Variants in MEMO1 observed in about 807,000 individuals in gnomAD.
The protein encoded by MEMO1 is protein MEMO1.
MEMO1 carries 6 observed loss-of-function variants against 45.2 expected under a neutral mutation model. That is an observed-to-expected ratio of 0.13 (90% confidence interval 0.07 to 0.26). MEMO1 has a LOEUF of 0.26. Among genes scored for constraint, MEMO1 ranks in the 10% least tolerant of loss-of-function variants. MEMO1 has a pLI of 1.00. For synonymous variants in MEMO1, 78 were observed against 124.3 expected (o/e 0.63, Z 2.48); for missense variants, 184 against 370.5 (o/e 0.50, Z 4.13).
chr2:31,985,355 C>A (rs1176118100), intron 2 of MEMO1, among the ~76,000 whole-genome samples: 1 of 152,202 alleles, frequency 6.6e-6, no homozygotes, highest in East Asian at 1.9e-4. Flanking sequence ...GAGATGGAGT[C>A]TCGCTCTGTC....
intron 2 of MEMO1, among the ~76,000 whole-genome samples, chr2:31,967,390 C>G (rs1668760960): frequency 6.6e-6 from 1 of 152,188 alleles, no homozygotes; most frequent in South Asian, 2.1e-4. Context: ...TCCCAAAGTG[C>G]TGGGATTACA....
At chr2:31,923,257 C>T (rs1450597579) in intron 4 of MEMO1, among the ~76,000 whole-genome samples, 2 of 152,082 alleles carry the variant, frequency 1.3e-5, no homozygotes, top group Non-Finnish European at 2.9e-5. Flanking sequence ...TTGTTGGCCA[C>T]GTATGTATCT....
chr2:31,875,940 G>T (rs146574110), intron 8 of MEMO1, among the ~76,000 whole-genome samples: 6,634 of 152,012 alleles, frequency 0.044, 255 homozygotes, highest in Admixed American at 0.12. Context: ...GCTCGCCTCG[G>T]CCCCCCAAAC....
chr2:31,896,356 G>A (rs562517025), intron 6 of MEMO1, among the ~76,000 whole-genome samples: 6 of 152,236 alleles, frequency 3.9e-5, no homozygotes, highest in Admixed American at 3.3e-4. Context: ...CTAGAACAGG[G>A]GTTAGCAAAC....
At chr2:32,010,737 C>T (rs1159695127) in intron 1 of MEMO1, among the ~76,000 whole-genome samples, 6 of 150,530 alleles carry the variant, frequency 4.0e-5, no homozygotes, top group African/African-American at 1.2e-4. Flanking sequence ...CCCTCCAGCC[C>T]GGCCGCCCGC....
chr2:31,982,632 C>T (rs558194111), intron 2 of MEMO1, among the ~76,000 whole-genome samples: 5 of 150,936 alleles, frequency 3.3e-5, no homozygotes, highest in African/African-American at 1.2e-4. Flanking sequence ...TCAGGAACTT[C>T]CCAAAGTTAC....
At chr2:31,963,984 C>T (rs1264107507) in intron 2 of MEMO1, among the ~76,000 whole-genome samples, 1 of 152,182 alleles carries the variant, frequency 6.6e-6, no homozygotes, top group Non-Finnish European at 1.5e-5. Context: ...TGTGGATATA[C>T]TGGGTCAAAT....
At chr2:31,934,610 A>T (rs1330706950) in intron 3 of MEMO1, among the ~76,000 whole-genome samples, 1 of 152,220 alleles carries the variant, frequency 6.6e-6, no homozygotes, top group Non-Finnish European at 1.5e-5. Context: ...GTCCAAGTAC[A>T]TAAGGTAGAT....
intron 3 of MEMO1, among the ~76,000 whole-genome samples, chr2:31,932,747 T>C (rs1220702277): frequency 6.6e-6 from 1 of 152,196 alleles, no homozygotes; most frequent in African/African-American, 2.4e-5. Flanking sequence ...TAACTGAGTT[T>C]TTTTATACTC....
rs576014930 is a variant in MEMO1, at chr2:31,984,428, A to G, written c.61+25759T>C. 1.7e-4 allele frequency among the ~76,000 whole-genome samples: 26 copies of G among 152,290 alleles called. No individual in the cohort carries two copies. In the South Asian group the frequency reaches 5.4e-3, roughly 32 times the overall value. On this transcript the variant is annotated intron_variant, in intron 2 of 9. Transcript: ENST00000404530. ...TCTTGGTCATGAAAAACAAAGAAAA[A>G]TTAACAATTTGTCACAGATCAGAGA...
chr2:31,948,789 C>T (rs1479421416), intron 2 of MEMO1, among the ~76,000 whole-genome samples: 2 of 152,206 alleles, frequency 1.3e-5, no homozygotes, highest in Non-Finnish European at 2.9e-5. Flanking sequence ...GTCCCAGCTA[C>T]TTGGAAGGCT....
chr2:31,875,999 C>G (rs1467173070), intron 8 of MEMO1, among the ~76,000 whole-genome samples: 1 of 152,054 alleles, frequency 6.6e-6, no homozygotes, highest in South Asian at 2.1e-4. Flanking sequence ...ATTGTTGCTA[C>G]CTCTGACCCT....
At chr2:31,966,648 T>A (rs998315069) in intron 2 of MEMO1, among the ~76,000 whole-genome samples, 1 of 148,716 alleles carries the variant, frequency 6.7e-6, no homozygotes, top group African/African-American at 2.5e-5. Flanking sequence ...GAAAATCACT[T>A]GAACTTCCGC....
intron 2 of MEMO1, among the ~76,000 whole-genome samples, chr2:31,966,737 A>AAAAAAAAAAAT (rs1558539361): frequency 1.3e-5 from 2 of 151,680 alleles, no homozygotes; most frequent in Non-Finnish European, 1.5e-5. Flanking sequence ...TGTCTCAAAA[A>AAAAAAAAAAAT]AAAAAAATGA....
At chr2:32,009,781 GC>G (rs1674588649) in intron 2 of MEMO1, among the ~76,000 whole-genome samples, 1 of 152,154 alleles carries the variant, frequency 6.6e-6, no homozygotes, top group African/African-American at 2.4e-5. Context: ...GGGGCTCGGC[GC>G]CGGGCACACC....
At chr2:31,963,095 C>T in intron 2 of MEMO1, 3 of 1,405,522 alleles carry the variant, frequency 2.1e-6, no homozygotes, top group Non-Finnish European at 2.8e-6. Flanking sequence ...CTTGAGTCAA[C>T]CAACCCATCC....
intron 2 of MEMO1, among the ~76,000 whole-genome samples, chr2:31,986,009 A>T (rs1350194723): frequency 6.6e-6 from 1 of 152,172 alleles, no homozygotes; most frequent in Non-Finnish European, 1.5e-5. Context: ...TCTGTGAGTT[A>T]TCTCAATAGA....
At chr2:31,978,965 C>G (rs1156599361) in intron 2 of MEMO1, among the ~76,000 whole-genome samples, 1 of 151,840 alleles carries the variant, frequency 6.6e-6, no homozygotes, top group Non-Finnish European at 1.5e-5. Context: ...ATCCATCCCC[C>G]CCCAAAAAAA....
chr2:32,006,419 A>G (rs1245593368), intron 2 of MEMO1, among the ~76,000 whole-genome samples: 1 of 152,192 alleles, frequency 6.6e-6, no homozygotes, highest in African/African-American at 2.4e-5. Flanking sequence ...AAACTTTGAC[A>G]ACCACTAACC....
Sources: gnomAD v4.1 joint callset for allele counts (sites outside exome capture counted in the v4.1 genomes callset) on GRCh38, gnomAD v4.1.1 for gene constraint, MANE v1.5 for transcripts, NCBI Gene and HGNC (gene_info 2026-07-23, HGNC 2026-07-21) for gene names.